Variants in CPXM2 observed in about 807,000 individuals in gnomAD.
CPXM2 encodes the protein carboxypeptidase X, M14 family member 2.
CPXM2 carries 66 observed loss-of-function variants against 86.1 expected under a neutral mutation model. The observed-to-expected ratio is 0.77, with a 90% confidence interval of 0.63 to 0.94. The LOEUF is 0.94. Among genes scored for constraint, CPXM2 ranks in the 40% least tolerant of loss-of-function variants. The pLI is 0.00. For missense variants in CPXM2, 948 were observed against 1,026.3 expected (o/e 0.92, Z 1.04); for synonymous variants, 388 against 400.2 (o/e 0.97, Z 0.36).
Position 123,797,372 on chromosome 10 carries a change from G to C in CPXM2, c.889+604C>G, listed in dbSNP as rs574145333. ...CATAATTTTCTTTTTTCTCACTTCT[G>C]AGTGGTAGGCATCATCTTAAAATCA... On this transcript the variant is annotated intron_variant, in intron 6 of 13. Transcript: ENST00000241305. Among the ~76,000 whole-genome samples, 6 of 152,284 alleles carry C rather than the reference G, an allele frequency of 3.9e-5. 1 individual carries two copies. The South Asian group carries it at 1.2e-3, about 32-fold the overall frequency.
At chr10:123,814,014 C>T (rs1007836549) in intron 4 of CPXM2, among the ~76,000 whole-genome samples, 1 of 152,118 alleles carries the variant, frequency 6.6e-6, no homozygotes, top group Non-Finnish European at 1.5e-5. Flanking sequence ...AGTTGATTGG[C>T]CTACACTAGA....
At chr10:123,767,718 A>G (rs1402528881) in intron 9 of CPXM2, among the ~76,000 whole-genome samples, 1 of 152,244 alleles carries the variant, frequency 6.6e-6, no homozygotes, top group Non-Finnish European at 1.5e-5. Flanking sequence ...TACTAACTAT[A>G]TGTTCTATTT....
intron 2 of CPXM2, among the ~76,000 whole-genome samples, chr10:123,938,071 G>A (rs916513930): frequency 2.0e-5 from 3 of 151,812 alleles, no homozygotes; most frequent in African/African-American, 7.3e-5. Context: ...TCTTACAAGA[G>A]ATTTCTCTCC....
At chr10:123,814,858 T>C (rs989132146) in intron 4 of CPXM2, among the ~76,000 whole-genome samples, 3 of 152,056 alleles carry the variant, frequency 2.0e-5, no homozygotes, top group Non-Finnish European at 4.4e-5. Context: ...ACCCCATCTC[T>C]ACTAAAAAAT....
intron 4 of CPXM2, among the ~76,000 whole-genome samples, chr10:123,826,196 C>T (rs1182773904): frequency 1.3e-5 from 2 of 152,166 alleles, no homozygotes; most frequent in Non-Finnish European, 2.9e-5. Context: ...CAGAAAGTGG[C>T]AAACTTCTTC....
At chr10:123,790,427 G>A (rs556344412) in intron 6 of CPXM2, among the ~76,000 whole-genome samples, 16 of 152,276 alleles carry the variant, frequency 1.1e-4, no homozygotes, top group Non-Finnish European at 1.8e-4. Context: ...TGTGAACTAC[G>A]GATTAGAACT....
At chr10:123,772,151 G>A (rs1179771315) in intron 7 of CPXM2, among the ~76,000 whole-genome samples, 1 of 151,994 alleles carries the variant, frequency 6.6e-6, no homozygotes. Flanking sequence ...TACCTCTTTG[G>A]TTGTGATCAT....
chr10:123,905,070 C>G (rs1366926108), intron 2 of CPXM2, among the ~76,000 whole-genome samples: 2 of 151,968 alleles, frequency 1.3e-5, no homozygotes, highest in African/African-American at 4.8e-5. Flanking sequence ...CCACCTGTTA[C>G]CAGGCGCTTG....
intron 2 of CPXM2, among the ~76,000 whole-genome samples, chr10:123,915,769 A>G (rs1465333931): frequency 1.3e-5 from 2 of 152,122 alleles, no homozygotes; most frequent in Non-Finnish European, 2.9e-5. Flanking sequence ...ATTATTTTGA[A>G]AGCTAAGCAG....
At chr10:123,942,856 G>A (rs11522574), upstream of CPXM2, among the ~76,000 whole-genome samples, 29,035 of 152,076 alleles carry the variant, frequency 0.19, 3,073 homozygotes, top group South Asian at 0.31. Flanking sequence ...GGGAACCCCT[G>A]ACGGACCACA....
At chr10:123,774,867 G>A (rs1289887172) in intron 7 of CPXM2, among the ~76,000 whole-genome samples, 2 of 152,188 alleles carry the variant, frequency 1.3e-5, no homozygotes, top group Non-Finnish European at 2.9e-5. Context: ...ACAGCAGGGG[G>A]CCACATATGA....
At chr10:123,867,636 A>G (rs1944818225) in intron 2 of CPXM2, among the ~76,000 whole-genome samples, 1 of 149,962 alleles carries the variant, frequency 6.7e-6, no homozygotes, top group Non-Finnish European at 1.5e-5. Context: ...AGGTTCAAGC[A>G]ATTCTCCTGC....
intron 4 of CPXM2, among the ~76,000 whole-genome samples, chr10:123,834,787 G>C (rs1228039371): frequency 6.6e-6 from 1 of 152,202 alleles, no homozygotes; most frequent in Non-Finnish European, 1.5e-5. Flanking sequence ...TTCGTGAATA[G>C]AGTAATGCCC....
chr10:123,914,197 G>C (rs1235295255), intron 2 of CPXM2: 1 of 415,266 alleles, frequency 2.4e-6, no homozygotes, highest in Non-Finnish European at 4.8e-6. Context: ...ACTCTGTGAA[G>C]CTAACCATGA....
intron 6 of CPXM2, among the ~76,000 whole-genome samples, chr10:123,793,670 T>C (rs1847260869): frequency 6.6e-6 from 1 of 152,050 alleles, no homozygotes; most frequent in Admixed American, 6.5e-5. Flanking sequence ...AGCTCGCTGA[T>C]GACATCACCC....
chr10:123,790,049 C>T (rs368211010), intron 6 of CPXM2, among the ~76,000 whole-genome samples: 3 of 152,140 alleles, frequency 2.0e-5, no homozygotes, highest in African/African-American at 4.8e-5. Context: ...ACCCAGGAGG[C>T]GGAGCTTGCA....
chr10:123,897,851 A>G (rs547415906), intron 2 of CPXM2, among the ~76,000 whole-genome samples: 5 of 152,384 alleles, frequency 3.3e-5, no homozygotes, highest in African/African-American at 1.2e-4. Context: ...CCACATGGGC[A>G]GGGCTGCCAT....
At position 123,813,287 on chromosome 10, in the gene CPXM2, T is replaced by C. The variant is rs560471902; in HGVS notation, c.654-14088A>G. On this transcript the variant is annotated intron_variant, in intron 4 of 13. Coordinates refer to ENST00000241305, the MANE Select transcript of CPXM2 (RefSeq NM_198148.3). ...AATGCTTCCATACACATGATCTTAC[T>C]TTGTCTAAGAAGAAGCCAAGTTCAT... is the stretch of plus-strand genomic sequence containing the variant. 1.1e-4 allele frequency among the ~76,000 whole-genome samples: 16 copies of C among 152,356 alleles called. No individual in the cohort carries two copies. In the South Asian group the frequency reaches 3.3e-3, roughly 32 times the overall value.
chr10:123,831,363 A>G (rs987778446), intron 4 of CPXM2, among the ~76,000 whole-genome samples: 1 of 152,200 alleles, frequency 6.6e-6, no homozygotes, highest in Non-Finnish European at 1.5e-5. Context: ...GCCTCTGTCC[A>G]GTGTTGAGCA....
Sources: allele counts gnomAD v4.1 joint callset (sites outside exome capture counted in the v4.1 genomes callset), GRCh38; gene constraint gnomAD v4.1.1; transcripts MANE v1.5; gene names NCBI Gene and HGNC (gene_info 2026-07-23, HGNC 2026-07-21).